NCAM2: variants seen among roughly 807,000 people sequenced by gnomAD.
NCAM2 encodes neural cell adhesion molecule 2.
Under a neutral mutation model 98.1 loss-of-function variants are expected in NCAM2, and 30 were observed. That is an observed-to-expected ratio of 0.31 (90% CI 0.23 to 0.41). NCAM2 has a LOEUF of 0.41. NCAM2 is among the 10% of genes least tolerant of loss of function. The probability of loss-of-function intolerance (pLI) is 1.00; values close to 1 mark genes in which losing one functional copy is unlikely to be tolerated. For synonymous variants in NCAM2, 368 were observed against 342.4 expected (o/e 1.07, Z -0.83); for missense variants, 867 against 1,005.8 (o/e 0.86, Z 1.87).
chr21:21,027,448 T>C (rs1406059978), intron 1 of NCAM2, among the ~76,000 whole-genome samples: 1 of 152,220 alleles, frequency 6.6e-6, no homozygotes, highest in Non-Finnish European at 1.5e-5. Flanking sequence ...TGCAGATTGT[T>C]CCAATACAAT....
At chr21:21,254,838 T>C (rs1449354605) in intron 1 of NCAM2, among the ~76,000 whole-genome samples, 1 of 152,064 alleles carries the variant, frequency 6.6e-6, no homozygotes, top group African/African-American at 2.4e-5. Context: ...ACAACAGATG[T>C]GAATACAGGC....
intron 1 of NCAM2, among the ~76,000 whole-genome samples, chr21:21,069,228 G>T (rs893303418): frequency 6.6e-6 from 1 of 152,120 alleles, no homozygotes; most frequent in African/African-American, 2.4e-5. Flanking sequence ...AGAAATATAG[G>T]TGATTTATTA....
chr21:21,338,268 A>G, intron 7 of NCAM2, 121 bp from the exon 8 acceptor site: 1 of 942,684 alleles, frequency 1.1e-6, no homozygotes, highest in Non-Finnish European at 1.5e-6. Context: ...GGCCACTGTA[A>G]TTCTACAAAG....
chr21:21,316,623 A>G (rs746015888), intron 5 of NCAM2, among the ~76,000 whole-genome samples: 65 of 142,426 alleles, frequency 4.6e-4, no homozygotes, highest in Admixed American at 8.9e-4. Flanking sequence ...ACAACCCTAC[A>G]ACCTCTGCCT....
chr21:21,239,052 C>CG (rs146889038), intron 1 of NCAM2, among the ~76,000 whole-genome samples: 2,930 of 152,040 alleles, frequency 0.019, 96 homozygotes, highest in African/African-American at 0.067. Context: ...GAGCAATAAA[C>CG]GGGGGGTGGG....
intron 1 of NCAM2, among the ~76,000 whole-genome samples, chr21:21,267,660 A>G (rs894247099): frequency 2.6e-5 from 4 of 152,172 alleles, no homozygotes; most frequent in African/African-American, 9.7e-5. Flanking sequence ...CTTGTGTGAA[A>G]CAAACAAAAA....
At chr21:21,532,615 G>A (rs966437805) in intron 16 of NCAM2, among the ~76,000 whole-genome samples, 1 of 151,986 alleles carries the variant, frequency 6.6e-6, no homozygotes, top group African/African-American at 2.4e-5. Context: ...TTAGTTCATC[G>A]TATATTTGTA....
intron 1 of NCAM2, among the ~76,000 whole-genome samples, chr21:21,129,680 T>A (rs2066896388): frequency 6.6e-6 from 1 of 151,964 alleles, no homozygotes; most frequent in African/African-American, 2.4e-5. Context: ...CACTGTCGCC[T>A]CTTTTGTCGC....
At chr21:21,029,273 C>T (rs1207641243) in intron 1 of NCAM2, among the ~76,000 whole-genome samples, 1 of 152,166 alleles carries the variant, frequency 6.6e-6, no homozygotes, top group African/African-American at 2.4e-5. Flanking sequence ...TGACAGTGGT[C>T]AAGGTGTACT....
Position 21,049,094 on chromosome 21 carries a change from C to G in NCAM2, c.55+50476C>G, listed in dbSNP as rs1372962844. ...ACTGCAGTGGCGCAATCTCGGCTCA[C>G]TGCAAGCTCCGCTTCCCGGGTTCAC... On this transcript the variant is annotated intron_variant, in intron 1 of 17. Coordinates refer to ENST00000400546, the MANE Select transcript of NCAM2 (RefSeq NM_004540.5). Among the ~76,000 whole-genome samples, 4 of 145,044 alleles carry G rather than the reference C, an allele frequency of 2.8e-5. No individual in the cohort carries two copies. The East Asian group carries it at 8.1e-4, about 30-fold the overall frequency.
At chr21:21,399,922 C>T (rs190727279) in intron 9 of NCAM2, among the ~76,000 whole-genome samples, 18 of 152,082 alleles carry the variant, frequency 1.2e-4, no homozygotes, top group African/African-American at 4.3e-4. Context: ...TTGCATTAAG[C>T]AAGTAATCAA....
At chr21:21,096,632 C>G (rs1174247012) in intron 1 of NCAM2, among the ~76,000 whole-genome samples, 1 of 151,678 alleles carries the variant, frequency 6.6e-6, no homozygotes, top group Non-Finnish European at 1.5e-5. Flanking sequence ...AAGCAAGAAT[C>G]TTTTCTATGC....
intron 15 of NCAM2, among the ~76,000 whole-genome samples, chr21:21,495,797 G>T (rs769103158): frequency 6.6e-6 from 1 of 151,678 alleles, no homozygotes; most frequent in African/African-American, 2.4e-5. Context: ...TCTTATTTTC[G>T]AAAACCATCT....
At chr21:21,408,358 C>A (rs986491317) in intron 9 of NCAM2, among the ~76,000 whole-genome samples, 2 of 152,116 alleles carry the variant, frequency 1.3e-5, no homozygotes, top group African/African-American at 4.8e-5. Context: ...GATGTACCAC[C>A]ATTTATGGGA....
At chr21:21,380,831 T>C (rs1250167106) in intron 9 of NCAM2, among the ~76,000 whole-genome samples, 2 of 152,198 alleles carry the variant, frequency 1.3e-5, no homozygotes, top group African/African-American at 4.8e-5. Flanking sequence ...AAGGTGTCAG[T>C]ATCTTTGGGA....
chr21:21,436,454 A>G (rs1382866166), intron 12 of NCAM2, among the ~76,000 whole-genome samples: 1 of 152,228 alleles, frequency 6.6e-6, no homozygotes, highest in Non-Finnish European at 1.5e-5. Context: ...GCCAAGTGGC[A>G]CTGTATTTCA....
chr21:21,317,618 G>A (rs1468995974), intron 5 of NCAM2, among the ~76,000 whole-genome samples: 4 of 151,876 alleles, frequency 2.6e-5, no homozygotes, highest in East Asian at 1.9e-4. Context: ...CTACAACCTC[G>A]ACTTCCCAGG....
intron 15 of NCAM2, among the ~76,000 whole-genome samples, chr21:21,507,521 C>T (rs913979722): frequency 2.6e-4 from 40 of 152,036 alleles, no homozygotes; most frequent in African/African-American, 9.2e-4. Context: ...GGGCTAGGCA[C>T]GGTGGCTCAT....
chr21:21,425,228 G>A lies in NCAM2; in HGVS notation c.1480+6659G>A, dbSNP rs142591476. ...ATGTACGTATGTAACTAACCTGCACGTTGTGTACATGTACCCTAAAATTTA... is the reference window on the plus strand; with the variant it reads ...ATGTACGTATGTAACTAACCTGCACATTGTGTACATGTACCCTAAAATTTA... On this transcript the variant is annotated intron_variant, in intron 11 of 17. Transcript: ENST00000400546. Among the ~76,000 whole-genome samples, 28 of 151,404 alleles carry A rather than the reference G, an allele frequency of 1.8e-4. No homozygotes were observed. The East Asian group carries it at 4.1e-3, about 22-fold the overall frequency.
Sources: allele counts gnomAD v4.1 joint callset (sites outside exome capture counted in the v4.1 genomes callset), GRCh38; gene constraint gnomAD v4.1.1; transcripts MANE v1.5; gene names NCBI Gene and HGNC (gene_info 2026-07-23, HGNC 2026-07-21).